KCNMB2: variants seen among roughly 807,000 people sequenced by gnomAD.
The protein encoded by KCNMB2 is calcium-activated potassium channel subunit beta-2.
KCNMB2 carries 9 observed loss-of-function variants against 24.5 expected under a neutral mutation model. The observed-to-expected ratio is 0.37, with a 90% CI of 0.22 to 0.64. KCNMB2 has a LOEUF of 0.64. Ranked by LOEUF, KCNMB2 falls within the 30% of genes least tolerant of loss-of-function variation. The pLI is 0.63. For synonymous variants in KCNMB2, 109 were observed against 104.4 expected, an observed-to-expected ratio of 1.04 and a Z score of -0.27; for missense variants, 226 against 284.3, an observed-to-expected ratio of 0.79 and a Z score of 1.47.
In KCNMB2 at chr3:178,647,053, A is replaced by C. The variant is rs577796295; in HGVS notation, c.-68+110342A>C. On this transcript the variant is annotated intron_variant, in intron 1 of 4. Coordinates refer to ENST00000452583, the MANE Select transcript of KCNMB2 (RefSeq NM_181361.3). Reference sequence around the variant, plus strand: ...AGCTATGAAGTATGTTTATATGTTGATTCTGCTACATCAATTTATAATCTA... The same window carrying C: ...AGCTATGAAGTATGTTTATATGTTGCTTCTGCTACATCAATTTATAATCTA... Among the ~76,000 whole-genome samples the C allele has an allele frequency of 2.6e-5, 4 of 152,316 alleles. No individual in the cohort carries two copies. The East Asian group carries it at 7.7e-4, about 29-fold the overall frequency.
At chr3:178,765,901 G>T (rs529232953) in intron 1 of KCNMB2, among the ~76,000 whole-genome samples, 2 of 152,256 alleles carry the variant, frequency 1.3e-5, no homozygotes, top group African/African-American at 4.8e-5. Context: ...GATGGTGATT[G>T]TAAGATATGA....
At chr3:178,569,288 G>A (rs1716681770) in intron 1 of KCNMB2, among the ~76,000 whole-genome samples, 1 of 152,084 alleles carries the variant, frequency 6.6e-6, no homozygotes, top group Admixed American at 6.6e-5. Flanking sequence ...GCTTAAATCT[G>A]ATTGGCCCCA....
intron 1 of KCNMB2, among the ~76,000 whole-genome samples, chr3:178,555,598 T>C (rs1028505757): frequency 3.9e-5 from 6 of 152,248 alleles, no homozygotes; most frequent in Non-Finnish European, 8.8e-5. Context: ...AAAGCCCTAT[T>C]GTCATTATTC....
intron 1 of KCNMB2, among the ~76,000 whole-genome samples, chr3:178,553,233 T>C (rs1419284639): frequency 6.6e-6 from 1 of 152,218 alleles, no homozygotes; most frequent in East Asian, 1.9e-4. Flanking sequence ...GGAAACAGAT[T>C]TCCCTTATTA....
At chr3:178,724,278 C>A (rs1448973716) in intron 1 of KCNMB2, among the ~76,000 whole-genome samples, 2 of 151,908 alleles carry the variant, frequency 1.3e-5, no homozygotes, top group African/African-American at 4.8e-5. Context: ...CATTTTTTCA[C>A]ATGTTTGTCG....
At chr3:178,781,693 C>A (rs988697293) in intron 1 of KCNMB2, among the ~76,000 whole-genome samples, 1 of 151,612 alleles carries the variant, frequency 6.6e-6, no homozygotes, top group African/African-American at 2.4e-5. Context: ...GGGTGAGGAA[C>A]AGGGGGGAGT....
At chr3:178,686,683 A>G (rs149489637) in intron 1 of KCNMB2, among the ~76,000 whole-genome samples, 2 of 152,294 alleles carry the variant, frequency 1.3e-5, no homozygotes, top group African/African-American at 4.8e-5. Flanking sequence ...TTGTGTATGT[A>G]TGCACCTAAG....
At position 178,630,643 on chromosome 3, in the gene KCNMB2, T is replaced by TCTATAGTATAGTATATTA. The variant is rs1366213259; in HGVS notation, c.-68+93932_-68+93933insCTATAGTATAGTATATTA. Among the ~76,000 whole-genome samples the TCTATAGTATAGTATATTA allele has an allele frequency of 2.0e-5, 3 of 152,242 alleles. No individual in the cohort carries two copies. The East Asian group carries it at 5.8e-4, about 29-fold the overall frequency. ...GTCCAGCTTCTAGTTTATAGTAAAT[T>TCTATAGTATAGTATATTA]AATTCAAGGAGGTGAGAGGGCAACA... On this transcript the variant is annotated intron_variant, in intron 1 of 4. Transcript: ENST00000452583.
chr3:178,568,752 G>T (rs1444769871), intron 1 of KCNMB2, among the ~76,000 whole-genome samples: 1 of 141,790 alleles, frequency 7.1e-6, no homozygotes, highest in African/African-American at 2.6e-5. Context: ...ATGATAGATA[G>T]ATAGATGATA....
chr3:178,812,070 A>G lies in KCNMB2; in HGVS notation c.56+4605A>G, dbSNP rs1347971663. On this transcript the variant is annotated intron_variant, in intron 2 of 4. Coordinates refer to ENST00000452583, the MANE Select transcript of KCNMB2 (RefSeq NM_181361.3). ...AGCAATTATAATCATACCTCTTACC[A>G]TTTTTCTACTGGATTGTTTGTCTTT... Among the ~76,000 whole-genome samples the G allele has an allele frequency of 2.0e-5, 3 of 151,940 alleles. No homozygotes were observed. In the East Asian group the frequency reaches 5.8e-4, roughly 29 times the overall value.
chr3:178,788,462 G>GA lies in KCNMB2; in HGVS notation c.-67-18873dup, dbSNP rs576345011. 7.8e-4 allele frequency among the ~76,000 whole-genome samples: 118 copies of GA among 151,642 alleles called. 1 individual carries two copies. Among genetic ancestry groups the GA allele is most frequent in the African/African-American group, 2.6e-3 (106 of 41,406 alleles). On this transcript the variant is annotated intron_variant, in intron 1 of 4. Coordinates refer to ENST00000452583, the MANE Select transcript of KCNMB2 (RefSeq NM_181361.3). ...TTATGTATCAGTATGGCCAAATTTT[G>GA]AAAAAAAATTCTGCTATTTCCCCCA...
intron 1 of KCNMB2, among the ~76,000 whole-genome samples, chr3:178,707,184 G>A (rs145924701): frequency 1.3e-5 from 2 of 152,108 alleles, no homozygotes; most frequent in Admixed American, 6.6e-5. Context: ...GAGGTGAGTT[G>A]AGTGGAACAG....
At chr3:178,789,902 C>T (rs760082600) in intron 1 of KCNMB2, among the ~76,000 whole-genome samples, 5 of 151,960 alleles carry the variant, frequency 3.3e-5, no homozygotes, top group African/African-American at 4.8e-5. Context: ...GGTGGGTGCA[C>T]AACCCAGGGA....
chr3:178,754,177 T>TATATATATATATACACAC (rs1435109631), intron 1 of KCNMB2, among the ~76,000 whole-genome samples: 10 of 117,220 alleles, frequency 8.5e-5, no homozygotes, highest in African/African-American at 3.3e-4. Flanking sequence ...TATATATATA[T>TATATATATATATACACAC]ACACACACAC....
At chr3:178,619,315 C>A (rs1560134194) in intron 1 of KCNMB2, among the ~76,000 whole-genome samples, 1 of 152,098 alleles carries the variant, frequency 6.6e-6, no homozygotes, top group Non-Finnish European at 1.5e-5. Flanking sequence ...GGAAATTGAA[C>A]TTTAGAGACT....
At chr3:178,833,916 T>C (rs1439259642) in intron 4 of KCNMB2, among the ~76,000 whole-genome samples, 1 of 152,048 alleles carries the variant, frequency 6.6e-6, no homozygotes. Context: ...GGTCCCTGCC[T>C]CCCTTGGCTA....
intron 4 of KCNMB2, 43 bp downstream of exon 4, chr3:178,828,416 T>G (rs776229968): frequency 6.9e-7 from 1 of 1,454,740 alleles, no homozygotes; most frequent in Non-Finnish European, 9.5e-7. Context: ...CCACAGAGCT[T>G]CACACCAGGC....
In KCNMB2 at chr3:178,828,292, C is replaced by G; in HGVS notation, c.342C>G (p.Leu114=). The G allele has an allele frequency of 6.2e-7, 1 of 1,613,180 alleles. No individual in the cohort carries two copies. Among genetic ancestry groups the G allele is most frequent in the South Asian group, 1.1e-5 (1 of 91,062 alleles). ...GGAAACTTTCTCAGTACCCCTGCCT[C>G]CAGGTGTACGTTAACCTGACTTCTT... The part of the protein sequence containing the change: ...DCWKLSQYPC[L]QVYVNLTSSG... Residue 114 remains leucine (L), a synonymous_variant, in exon 4 of 5, where the codon CTC becomes CTG. Transcript: ENST00000452583.
At chr3:178,702,108 AATG>A (rs1037556674) in intron 1 of KCNMB2, among the ~76,000 whole-genome samples, 8 of 152,056 alleles carry the variant, frequency 5.3e-5, no homozygotes, top group African/African-American at 1.9e-4. Flanking sequence ...AGCCATAAAA[AATG>A]ATGAGTTCAT....
Sources: gnomAD v4.1 joint callset for allele counts (sites outside exome capture counted in the v4.1 genomes callset) on GRCh38, gnomAD v4.1.1 for gene constraint, MANE v1.5 for transcripts, NCBI Gene and HGNC (gene_info 2026-07-23, HGNC 2026-07-21) for gene names.